NMT2: variants seen among roughly 807,000 people sequenced by gnomAD.
NMT2 encodes the protein N-myristoyltransferase 2.
Under a neutral mutation model 65.4 loss-of-function variants are expected in NMT2, and 35 were observed. The observed-to-expected ratio is 0.54, with a 90% CI of 0.41 to 0.71. The LOEUF (loss-of-function observed/expected upper bound fraction) is 0.71. NMT2 is among the 30% of genes least tolerant of loss of function. The pLI is 0.00. For missense variants in NMT2, 489 were observed against 611.3 expected, an observed-to-expected ratio of 0.80 and a Z score of 2.11; for synonymous variants, 226 against 231.8, an observed-to-expected ratio of 0.98 and a Z score of 0.23.
intron 6 of NMT2, among the ~76,000 whole-genome samples, chr10:15,130,600 A>T (rs1255817658): frequency 6.9e-6 from 1 of 144,166 alleles, no homozygotes; most frequent in African/African-American, 2.5e-5. Context: ...GCTACTTGGG[A>T]GGCTGAGGTG....
At chr10:15,160,710 G>A (rs948753632) in intron 1 of NMT2, among the ~76,000 whole-genome samples, 27 of 151,980 alleles carry the variant, frequency 1.8e-4, no homozygotes, top group Admixed American at 3.3e-4. Context: ...GGAGGTGGAC[G>A]TTGCAGTGAG....
Position 15,108,185 on chromosome 10 carries a change from T to G in NMT2, c.*1010A>C, listed in dbSNP as rs560473410. 5.5e-4 allele frequency: 533 copies of G among 977,496 alleles called. 2 individuals are homozygous for G. In the African/African-American group the frequency reaches 9.0e-3, roughly 17 times the overall value. 60.6% of individuals were successfully genotyped at this position (977,496 alleles called of 1,614,324 possible). Reference sequence around the variant, plus strand: ...TCTAGTTAGTCGCGGGTACAGGCTCTTTCTTTTTTTTTTTTTTTGAGACGG... The same window carrying G: ...TCTAGTTAGTCGCGGGTACAGGCTCGTTCTTTTTTTTTTTTTTTGAGACGG... On this transcript the variant is annotated 3_prime_UTR_variant, in exon 12 of 12. Coordinates refer to ENST00000378165, the MANE Select transcript of NMT2 (RefSeq NM_004808.3).
At position 15,106,654 on chromosome 10, in the gene NMT2, A is replaced by G. The variant is rs535568237; in HGVS notation, c.*2541T>C. ...TTTAGAATCACGGCAACCTATAGAAAGGAGAGTTCCAACTCCTTCGTAGTG... is the reference window on the plus strand; with the variant it reads ...TTTAGAATCACGGCAACCTATAGAAGGGAGAGTTCCAACTCCTTCGTAGTG... On this transcript the variant is annotated 3_prime_UTR_variant, in exon 12 of 12. Coordinates refer to ENST00000378165, the MANE Select transcript of NMT2 (RefSeq NM_004808.3). 1 of 985,460 alleles carries G rather than the reference A, an allele frequency of 1.0e-6. No homozygotes were observed. The highest frequency in any genetic ancestry group is 4.7e-5 in the South Asian group (1 of 21,294). The allele number at this position is 985,460 out of a possible 1,614,324, so 61.0% of individuals were successfully genotyped here.
chr10:15,158,344 C>G (rs1480851616), intron 1 of NMT2, among the ~76,000 whole-genome samples: 1 of 151,348 alleles, frequency 6.6e-6, no homozygotes, highest in South Asian at 2.1e-4. Context: ...AATACATAAG[C>G]ATATGCCAAG....
chr10:15,155,952 C>T (rs924160860), intron 1 of NMT2, among the ~76,000 whole-genome samples: 12 of 141,142 alleles, frequency 8.5e-5, no homozygotes, highest in Admixed American at 4.2e-4. Flanking sequence ...GCATCCAGGG[C>T]GGGACAGGGT....
At chr10:15,118,212 G>A (rs188967155) in intron 9 of NMT2, among the ~76,000 whole-genome samples, 8 of 152,240 alleles carry the variant, frequency 5.3e-5, no homozygotes, top group Admixed American at 1.3e-4. Context: ...AGAAAGGAAC[G>A]CAATACAAAG....
intron 1 of NMT2, among the ~76,000 whole-genome samples, chr10:15,161,081 CAAAA>C (rs750859200): frequency 0.017 from 329 of 19,294 alleles, 4 homozygotes; most frequent in African/African-American, 0.053. Flanking sequence ...CCTCAAAAAT[CAAAA>C]AAAAAAAAAA....
At chr10:15,136,226 G>C (rs1213935406) in intron 2 of NMT2, among the ~76,000 whole-genome samples, 2 of 145,028 alleles carry the variant, frequency 1.4e-5, no homozygotes. Context: ...TGTCAGGAAA[G>C]GGAAAGGGAA....
At chr10:15,120,517 G>A (rs751685861) in intron 8 of NMT2, among the ~76,000 whole-genome samples, 32 of 152,154 alleles carry the variant, frequency 2.1e-4, no homozygotes, top group Non-Finnish European at 3.7e-4. Flanking sequence ...AATACACAAT[G>A]CTACGCCATC....
chr10:15,109,130 A>C lies in NMT2; in HGVS notation c.*65T>G. 1 of 1,587,558 alleles carries C rather than the reference A, an allele frequency of 6.3e-7. No individual in the cohort carries two copies. Among genetic ancestry groups the C allele is most frequent in the Admixed American group, 1.9e-5 (1 of 52,928 alleles). On this transcript the variant is annotated 3_prime_UTR_variant, in exon 12 of 12. Transcript: ENST00000378165. ...TGCTTTTATTCTTCTTTGGAATGGCAGTTCCAGAAATCATTAAATATTAAC... is the reference window on the plus strand; with the variant it reads ...TGCTTTTATTCTTCTTTGGAATGGCCGTTCCAGAAATCATTAAATATTAAC...
chr10:15,164,208 G>T, intron 1 of NMT2, among the ~76,000 whole-genome samples: 1 of 143,326 alleles, frequency 7.0e-6, no homozygotes, highest in Admixed American at 6.9e-5. Context: ...AAAAAAAAAG[G>T]TCTTAACCCT....
At chr10:15,154,946 A>G in intron 1 of NMT2, 2 of 1,079,574 alleles carry the variant, frequency 1.9e-6, no homozygotes, top group Non-Finnish European at 1.4e-6. Flanking sequence ...CGGTCTTGGC[A>G]GTGCAGATGA....
At position 15,111,319 on chromosome 10, in the gene NMT2, G is replaced by A. The variant is rs530766944; in HGVS notation, c.1338+1477C>T. 1.1e-3 allele frequency among the ~76,000 whole-genome samples: 167 copies of A among 151,092 alleles called. 1 individual carries two copies. The highest frequency in any genetic ancestry group is 3.9e-3 in the African/African-American group (162 of 41,236). On this transcript the variant is annotated intron_variant, in intron 10 of 11. Coordinates refer to ENST00000378165, the MANE Select transcript of NMT2 (RefSeq NM_004808.3). ...TGAGGTCAGGAGTTCGAGACCAGCCGGGTCAATATGATGAAACCCTGTCTC... is the reference window on the plus strand; with the variant it reads ...TGAGGTCAGGAGTTCGAGACCAGCCAGGTCAATATGATGAAACCCTGTCTC...
At chr10:15,142,300 G>A (rs1846801680) in intron 1 of NMT2, among the ~76,000 whole-genome samples, 2 of 152,218 alleles carry the variant, frequency 1.3e-5, no homozygotes, top group Admixed American at 1.3e-4. Flanking sequence ...GCTCATGCCT[G>A]TAATCCCAGC....
chr10:15,162,961 T>C (rs1033109004), intron 1 of NMT2, among the ~76,000 whole-genome samples: 2 of 151,588 alleles, frequency 1.3e-5, no homozygotes, highest in African/African-American at 4.8e-5. Flanking sequence ...AGACAGAGTC[T>C]CATTCTGTTG....
At chr10:15,130,346 A>C (rs1257995458) in intron 6 of NMT2, 34 bp from the exon 7 acceptor site, 1 of 1,449,406 alleles carries the variant, frequency 6.9e-7, no homozygotes, top group Non-Finnish European at 9.3e-7. Context: ...TTAAGAGTCA[A>C]AACGAGATTC....
At chr10:15,112,661 G>T (rs1029396554) in intron 10 of NMT2, 135 bp downstream of exon 10, 2 of 810,466 alleles carry the variant, frequency 2.5e-6, no homozygotes, top group Non-Finnish European at 1.8e-6. Context: ...TTCTTCCTTT[G>T]ACTGATGATC....
chr10:15,113,746 C>T (rs536045756), intron 9 of NMT2, among the ~76,000 whole-genome samples: 150 of 152,210 alleles, frequency 9.9e-4, no homozygotes, highest in African/African-American at 3.4e-3. Flanking sequence ...TGGAAGAGTT[C>T]GCAAGCTTGT....
chr10:15,123,148 G>A (rs1564565637), intron 8 of NMT2, among the ~76,000 whole-genome samples: 1 of 152,112 alleles, frequency 6.6e-6, no homozygotes, highest in South Asian at 2.1e-4. Context: ...AAGCATTAAA[G>A]CATAAGAGCA....
Sources: allele counts gnomAD v4.1 joint callset (sites outside exome capture counted in the v4.1 genomes callset), GRCh38; gene constraint gnomAD v4.1.1; transcripts MANE v1.5; gene names NCBI Gene and HGNC (gene_info 2026-07-23, HGNC 2026-07-21).